The following USP47 variants were observed in gnomAD, a reference collection of about 807,000 sequenced individuals.
USP47 encodes ubiquitin specific peptidase 47.
USP47 carries 35 observed loss-of-function variants against 165.1 expected under a neutral mutation model. The observed-to-expected ratio is 0.21, with a 90% CI of 0.16 to 0.28. The LOEUF (loss-of-function observed/expected upper bound fraction) is 0.28. Among genes scored for constraint, USP47 ranks in the 10% least tolerant of loss-of-function variants. USP47 has a pLI of 1.00. For missense variants in USP47, 1,277 were observed against 1,607.4 expected (o/e 0.79, Z 3.52); for synonymous variants, 531 against 544.5 (o/e 0.98, Z 0.35).
chr11:11,842,074 A>G lies in USP47; in HGVS notation c.-112A>G. The G allele has an allele frequency of 7.4e-7, 1 of 1,354,424 alleles. No homozygotes were observed. The highest frequency in any genetic ancestry group is 1.5e-5 in the African/African-American group (1 of 68,626). 83.9% of individuals were successfully genotyped at this position (1,354,424 alleles called of 1,614,324 possible). Reference sequence around the variant, plus strand: ...AGGCTGAGGCCTCCGCTATTGCTGGAGCGCAGGCGGCGGAGAGGATGACTG... The same window carrying G: ...AGGCTGAGGCCTCCGCTATTGCTGGGGCGCAGGCGGCGGAGAGGATGACTG... On this transcript the variant is annotated 5_prime_UTR_variant, in exon 1 of 28. Coordinates refer to ENST00000527733, the MANE Select transcript of USP47 (RefSeq NM_001282659.2).
chr11:11,923,898 A>G (rs1337469310), intron 11 of USP47, among the ~76,000 whole-genome samples: 5 of 152,374 alleles, frequency 3.3e-5, no homozygotes, highest in East Asian at 1.9e-4. Flanking sequence ...TTGGCAAACT[A>G]TGGCTCAAGA....
chr11:11,902,646 T>A, intron 5 of USP47, 69 bp from the exon 6 acceptor site: 1 of 1,124,198 alleles, frequency 8.9e-7, no homozygotes, highest in Non-Finnish European at 1.2e-6. Flanking sequence ...ATTATGATTT[T>A]GATATTAATT....
intron 17 of USP47, among the ~76,000 whole-genome samples, chr11:11,937,082 T>C (rs941849723): frequency 2.0e-5 from 3 of 151,070 alleles, no homozygotes; most frequent in African/African-American, 7.3e-5. Context: ...GAGTTTGTTA[T>C]TTTTTTTTCT....
chr11:11,955,490 A>G (rs1258154726), intron 27 of USP47, among the ~76,000 whole-genome samples: 2 of 152,188 alleles, frequency 1.3e-5, no homozygotes, highest in Non-Finnish European at 2.9e-5. Context: ...TATGTCTGTT[A>G]TATTTCCAGC....
In USP47 at chr11:11,953,642, A is replaced by G. The variant is rs963178326; in HGVS notation, c.3714+771A>G. On this transcript the variant is annotated intron_variant, in intron 25 of 27. Coordinates refer to ENST00000527733, the MANE Select transcript of USP47 (RefSeq NM_001282659.2). ...AAATTATTTGAAGCAGTTATTAAACATGCTGTCCATAATTTATAAGGAGCT... is the reference window on the plus strand; with the variant it reads ...AAATTATTTGAAGCAGTTATTAAACGTGCTGTCCATAATTTATAAGGAGCT... Among the ~76,000 whole-genome samples the G allele has an allele frequency of 3.9e-5, 6 of 152,318 alleles. No homozygotes were observed. The East Asian group carries it at 7.7e-4, about 20-fold the overall frequency.
chr11:11,873,590 C>G (rs934439587), intron 1 of USP47, among the ~76,000 whole-genome samples: 1 of 152,126 alleles, frequency 6.6e-6, no homozygotes, highest in African/African-American at 2.4e-5. Flanking sequence ...TGGCTATTTC[C>G]ATATTTATCT....
intron 20 of USP47, 131 bp downstream of exon 20, chr11:11,943,243 G>A (rs1855605642): frequency 3.8e-6 from 4 of 1,062,830 alleles, no homozygotes; most frequent in Non-Finnish European, 5.3e-6. Context: ...TAAGATTATT[G>A]ACGCAGTTGT....
chr11:11,849,917 T>G (rs923344152), intron 1 of USP47, among the ~76,000 whole-genome samples: 1 of 152,222 alleles, frequency 6.6e-6, no homozygotes, highest in Non-Finnish European at 1.5e-5. Flanking sequence ...TCAGAAATAA[T>G]TTTTTCTCAG....
rs1282975736 is a variant in USP47 at position 11,930,717 on chromosome 11, G to A, written c.1617G>A (p.Leu539=). The A allele has an allele frequency of 6.2e-7, 1 of 1,605,238 alleles. No homozygotes were observed. Among genetic ancestry groups the A allele is most frequent in the Non-Finnish European group, 8.5e-7 (1 of 1,177,060 alleles). ...AFASSTNAYM[L]IYRLKDPARN... ...CTAGTTCCACAAATGCATATATGCT[G>A]ATCTATAGACTGAAGGATCCAGCCA... is the stretch of plus-strand genomic sequence containing the variant. The change falls in exon 14 of 28, where the codon CTG becomes CTA. Residue 539 remains leucine (L), a synonymous_variant. Transcript: ENST00000527733.
chr11:11,864,344 A>G (rs1415101346), intron 1 of USP47, among the ~76,000 whole-genome samples: 1 of 152,126 alleles, frequency 6.6e-6, no homozygotes, highest in African/African-American at 2.4e-5. Flanking sequence ...AGCTATTTAT[A>G]AAAAATTTAT....
chr11:11,939,088 C>T (rs955380996), intron 18 of USP47, among the ~76,000 whole-genome samples: 4 of 151,822 alleles, frequency 2.6e-5, no homozygotes, highest in African/African-American at 7.3e-5. Context: ...AGGCTCATTC[C>T]GATTTTTTGA....
chr11:11,894,875 C>T (rs1408681213), intron 4 of USP47, among the ~76,000 whole-genome samples: 1 of 151,932 alleles, frequency 6.6e-6, no homozygotes, highest in Non-Finnish European at 1.5e-5. Context: ...CTACTGGCAC[C>T]ACTTCTAGCA....
chr11:11,846,466 G>A (rs1329819154), intron 1 of USP47, among the ~76,000 whole-genome samples: 2 of 152,028 alleles, frequency 1.3e-5, no homozygotes, highest in Non-Finnish European at 2.9e-5. Context: ...TAAATCCAGA[G>A]AAAATGGAAA....
At chr11:11,882,595 A>G (rs1271784726) in intron 2 of USP47, among the ~76,000 whole-genome samples, 1 of 152,144 alleles carries the variant, frequency 6.6e-6, no homozygotes, top group East Asian at 1.9e-4. Context: ...TTTTCAGTTT[A>G]AAGGATAGTT....
intron 2 of USP47, among the ~76,000 whole-genome samples, chr11:11,880,718 TA>T (rs1269845529): frequency 1.3e-5 from 2 of 152,290 alleles, no homozygotes; most frequent in African/African-American, 4.8e-5. Context: ...AAAAAGATTG[TA>T]AAATCATATT....
intron 19 of USP47, among the ~76,000 whole-genome samples, 178 bp downstream of exon 19, chr11:11,940,726 C>T (rs1314989045): frequency 6.6e-6 from 1 of 151,966 alleles, no homozygotes; most frequent in East Asian, 1.9e-4. Context: ...TCCCTTCTGT[C>T]CTGTGAATCA....
chr11:11,935,548 G>C lies in USP47; in HGVS notation c.1870-755G>C, dbSNP rs187740661. ...ATAGAGCTTCATTGTTGGGGATGGG[G>C]GTTGGGGAGGAGTAGAGATCAATGG... On this transcript the variant is annotated intron_variant, in intron 16 of 27. Transcript: ENST00000527733. Among the ~76,000 whole-genome samples, 387 of 151,972 alleles carry C rather than the reference G, an allele frequency of 2.5e-3. 3 individuals carry two copies. The highest frequency in any genetic ancestry group is 3.9e-3 in the Non-Finnish European group (267 of 67,916).
At chr11:11,937,573 CT>C (rs554663366) in intron 17 of USP47, among the ~76,000 whole-genome samples, 563 of 133,572 alleles carry the variant, frequency 4.2e-3, no homozygotes, top group African/African-American at 6.0e-3. Context: ...CATTTCCTTG[CT>C]TTTTTTTTTT....
intron 16 of USP47, among the ~76,000 whole-genome samples, chr11:11,935,737 A>G (rs1430617088): frequency 6.6e-6 from 1 of 151,988 alleles, no homozygotes; most frequent in African/African-American, 2.4e-5. Context: ...CATAAGCTAT[A>G]AGGAAATGTT....
Sources: gnomAD v4.1 joint callset for allele counts (sites outside exome capture counted in the v4.1 genomes callset) on GRCh38, gnomAD v4.1.1 for gene constraint, MANE v1.5 for transcripts, NCBI Gene and HGNC (gene_info 2026-07-23, HGNC 2026-07-21) for gene names.